NUP210: variants seen among roughly 807,000 people sequenced by gnomAD.
The protein encoded by NUP210 is nucleoporin 210.
In NUP210, 151 loss-of-function variants were observed where a neutral mutation model predicts 196.0. That is an observed-to-expected ratio of 0.77 (90% confidence interval 0.67 to 0.88). The LOEUF (loss-of-function observed/expected upper bound fraction) is 0.88. Ranked by LOEUF, NUP210 falls within the 40% of genes least tolerant of loss-of-function variation. The pLI, the probability that NUP210 is intolerant of heterozygous loss-of-function variation, is 0.00. For missense variants in NUP210, 2,314 were observed against 2,493.7 expected (o/e 0.93, Z 1.53); for synonymous variants, 1,070 against 1,052.7 (o/e 1.02, Z -0.32).
At chr3:13,399,450 T>C (rs1699766508) in intron 2 of NUP210, among the ~76,000 whole-genome samples, 1 of 152,092 alleles carries the variant, frequency 6.6e-6, no homozygotes, top group Non-Finnish European at 1.5e-5. Flanking sequence ...GTCATAGTAA[T>C]GAGTTGCTAC....
At chr3:13,400,515 G>A (rs1699800472) in intron 1 of NUP210, among the ~76,000 whole-genome samples, 1 of 152,226 alleles carries the variant, frequency 6.6e-6, no homozygotes, top group African/African-American at 2.4e-5. Context: ...GGAATGTGTG[G>A]GGAAAGCTAT....
chr3:13,316,436 G>A lies in NUP210; in HGVS notation c.*1245C>T, dbSNP rs565853254. The A allele has an allele frequency of 4.7e-4, 72 of 152,402 alleles. No individual in the cohort carries two copies. The highest frequency in any genetic ancestry group is 1.6e-3 in the African/African-American group (65 of 41,590). 9.4% of individuals were successfully genotyped at this position (152,402 alleles called of 1,614,324 possible). On this transcript the variant is annotated 3_prime_UTR_variant, in exon 40 of 40. Transcript: ENST00000254508. Reference sequence around the variant, plus strand: ...CGTCATCCTGGACTCTCCACACAGCGTCCACGCATGGATGGCCATGGGCAT... The same window carrying A: ...CGTCATCCTGGACTCTCCACACAGCATCCACGCATGGATGGCCATGGGCAT...
At chr3:13,338,515 C>G (rs564372954) in intron 25 of NUP210, among the ~76,000 whole-genome samples, 1 of 152,350 alleles carries the variant, frequency 6.6e-6, no homozygotes, top group African/African-American at 2.4e-5. Context: ...AGGCTCATGA[C>G]TTGGGCTAAT....
intron 3 of NUP210, among the ~76,000 whole-genome samples, chr3:13,396,366 T>C (rs1699654485): frequency 6.6e-6 from 1 of 152,150 alleles, no homozygotes; most frequent in Non-Finnish European, 1.5e-5. Flanking sequence ...AAGTGAGCCT[T>C]GGTTTGGACT....
At chr3:13,411,241 A>G (rs7639336) in intron 1 of NUP210, among the ~76,000 whole-genome samples, 33,870 of 151,994 alleles carry the variant, frequency 0.22, 5,962 homozygotes, top group African/African-American at 0.49. Context: ...CAGAAAAATA[A>G]AAGTACTACT....
chr3:13,412,509 T>A (rs1700210694), intron 1 of NUP210, among the ~76,000 whole-genome samples: 1 of 151,376 alleles, frequency 6.6e-6, no homozygotes, highest in African/African-American at 2.4e-5. Flanking sequence ...AGGTCGGGAG[T>A]TCGAGACCAG....
At chr3:13,372,100 A>G in intron 12 of NUP210, 68 bp from the exon 13 acceptor site, 1 of 1,381,146 alleles carries the variant, frequency 7.2e-7, no homozygotes. Flanking sequence ...TTGCTCGGAT[A>G]TCCTAAGTGC....
At chr3:13,319,639 G>T in intron 37 of NUP210, 124 bp downstream of exon 37, 1 of 823,012 alleles carries the variant, frequency 1.2e-6, no homozygotes, top group Non-Finnish European at 2.0e-6. Context: ...ATCACTTTGA[G>T]GGACATTCTG....
intron 13 of NUP210, among the ~76,000 whole-genome samples, chr3:13,366,970 C>CA (rs1176737788): frequency 2.1e-4 from 30 of 144,688 alleles, no homozygotes; most frequent in African/African-American, 7.7e-4. Context: ...ACTAAAAATA[C>CA]AAAAAATTAG....
rs908307177 is a variant in NUP210, at chr3:13,347,277, GC to G, written c.2836-3975del. On this transcript the variant is annotated intron_variant, in intron 20 of 39. Transcript: ENST00000254508. The surrounding 1 kb of genome is among the most constrained non-coding windows in gnomAD (Gnocchi z 4.7). ...CACCTGGCACACGATAAGCACTCCA[GC>G]GTCTCTGAGTGCACGAGTTAATGGG... 2.0e-5 allele frequency: 20 copies of G among 985,264 alleles called. No homozygotes were observed. The Admixed American group carries it at 8.0e-4, about 39-fold the overall frequency. 61.0% of individuals were successfully genotyped at this position (985,264 alleles called of 1,614,324 possible).
chr3:13,408,306 GA>G (rs1455410079), intron 1 of NUP210, among the ~76,000 whole-genome samples: 1 of 152,088 alleles, frequency 6.6e-6, no homozygotes, highest in East Asian at 1.9e-4. Context: ...TGGTCTGTGG[GA>G]TTTTTTTTTT....
intron 31 of NUP210, among the ~76,000 whole-genome samples, chr3:13,328,202 C>A (rs6763238): frequency 6.6e-6 from 1 of 152,096 alleles, no homozygotes; most frequent in African/African-American, 2.4e-5. Context: ...TGTGCGCACA[C>A]ACGGAGTGCC....
At chr3:13,333,841 G>A (rs959051088) in intron 28 of NUP210, among the ~76,000 whole-genome samples, 1 of 152,136 alleles carries the variant, frequency 6.6e-6, no homozygotes, top group African/African-American at 2.4e-5. Context: ...TTTAGATGGA[G>A]GGGGAGTTGT....
At chr3:13,360,143 TA>T in intron 15 of NUP210, 126 bp downstream of exon 15, 1 of 804,698 alleles carries the variant, frequency 1.2e-6, no homozygotes, top group Non-Finnish European at 2.0e-6. Flanking sequence ...TGCCTGTCTG[TA>T]AAATGGGTAC....
intron 2 of NUP210, among the ~76,000 whole-genome samples, chr3:13,399,220 C>G (rs997919659): frequency 6.9e-6 from 1 of 144,438 alleles, no homozygotes; most frequent in Non-Finnish European, 1.5e-5. Flanking sequence ...GAGCCAAGAT[C>G]GCGCCACTGC....
At chr3:13,351,676 T>C in intron 20 of NUP210, 1 of 541,592 alleles carries the variant, frequency 1.8e-6, no homozygotes, top group Non-Finnish European at 3.3e-6. Flanking sequence ...CTTTTTTTTT[T>C]TGTAGAGATG....
In NUP210 at chr3:13,352,138, A is replaced by G. The variant is rs1697999225; in HGVS notation, c.2675T>C (p.Val892Ala). Residue 892 changes from valine to alanine, a missense_variant, in exon 19 of 40, where the codon GTG becomes GCG. Physicochemically the swap from Val to Ala is moderately conservative, Grantham distance 64. Coordinates refer to ENST00000254508, the MANE Select transcript of NUP210 (RefSeq NM_024923.4). ...TTCTGGGCTCACCCTCACGTCCTCCACCAGGATGAGCTCTATGGAGGCCGA... is the reference window on the plus strand; with the variant it reads ...TTCTGGGCTCACCCTCACGTCCTCCGCCAGGATGAGCTCTATGGAGGCCGA... ...PLSASIELILVEDVRVSPEEV... is the reference protein window; with the variant it reads ...PLSASIELILAEDVRVSPEEV... 6.2e-7 allele frequency: 1 copy of G among 1,614,026 alleles called. No individual in the cohort carries two copies. Among genetic ancestry groups the G allele is most frequent in the Non-Finnish European group, 8.5e-7 (1 of 1,180,000 alleles).
chr3:13,413,822 A>G (rs1700256236), intron 1 of NUP210, among the ~76,000 whole-genome samples: 1 of 152,232 alleles, frequency 6.6e-6, no homozygotes, highest in African/African-American at 2.4e-5. Flanking sequence ...CTCTACACCT[A>G]AAAATGGTTA....
chr3:13,392,669 C>A (rs114480627), intron 3 of NUP210, among the ~76,000 whole-genome samples: 1 of 152,220 alleles, frequency 6.6e-6, no homozygotes, highest in East Asian at 1.9e-4. Flanking sequence ...AGGAGCTCAT[C>A]GCCCAGCACA....
Sources: allele counts gnomAD v4.1 joint callset (sites outside exome capture counted in the v4.1 genomes callset), GRCh38; gene constraint gnomAD v4.1.1; non-coding constraint Gnocchi (gnomAD v3.1); transcripts MANE v1.5; gene names NCBI Gene and HGNC (gene_info 2026-07-23, HGNC 2026-07-21).